PRKCI: variants seen among roughly 807,000 people sequenced by gnomAD.
The protein encoded by PRKCI is protein kinase C iota.
In PRKCI, 43 loss-of-function variants were observed where a neutral mutation model predicts 84.0. That is an observed-to-expected ratio of 0.51 (90% CI 0.40 to 0.66). The LOEUF (loss-of-function observed/expected upper bound fraction) is 0.66, where lower values mean the gene tolerates loss of function less well. PRKCI is among the 30% of genes least tolerant of loss of function. PRKCI has a pLI of 0.00. For synonymous variants in PRKCI, 216 were observed against 234.4 expected, an observed-to-expected ratio of 0.92 and a Z score of 0.72; for missense variants, 459 against 745.6, an observed-to-expected ratio of 0.62 and a Z score of 4.48.
At position 170,297,411 on chromosome 3, in the gene PRKCI, A is replaced by G. The variant is rs144740072; in HGVS notation, c.1587+18A>G. 1 of 1,576,394 alleles carries G rather than the reference A, an allele frequency of 6.3e-7. No homozygotes were observed. The highest frequency in any genetic ancestry group is 1.3e-5 in the African/African-American group (1 of 74,172). On this transcript the variant is annotated intron_variant, in intron 16 of 17. Transcript: ENST00000295797. ...GGGATATGGTATGTAAATTTTGATT[A>G]CTCAACTATTAGGTTTCATTATTAT...
At chr3:170,270,799 C>T (rs1733983942) in intron 6 of PRKCI, among the ~76,000 whole-genome samples, 1 of 151,926 alleles carries the variant, frequency 6.6e-6, no homozygotes, top group Admixed American at 6.6e-5. Context: ...CTGTAAAATC[C>T]TCTGGTCTAA....
intron 13 of PRKCI, among the ~76,000 whole-genome samples, chr3:170,293,040 C>CA (rs1202831307): frequency 0.062 from 4,054 of 65,878 alleles, 92 homozygotes; most frequent in East Asian, 0.16. Flanking sequence ...GACCCCATCT[C>CA]AAAAAAAAAA....
chr3:170,268,041 A>G (rs994545241), intron 5 of PRKCI, 41 bp downstream of exon 5: 2 of 1,491,324 alleles, frequency 1.3e-6, no homozygotes, highest in Middle Eastern at 2.1e-4. Flanking sequence ...TGAAACAGCT[A>G]TTTTTTCCCT....
intron 3 of PRKCI, 102 bp from the exon 4 acceptor site, chr3:170,263,277 G>A (rs370751677): frequency 9.7e-6 from 9 of 932,534 alleles, no homozygotes; most frequent in South Asian, 7.8e-5. Context: ...AGAGGGTCAG[G>A]TTGAAATCTG....
intron 1 of PRKCI, among the ~76,000 whole-genome samples, chr3:170,226,086 T>A (rs1173065709): frequency 5.9e-5 from 9 of 151,996 alleles, no homozygotes; most frequent in Admixed American, 5.3e-4. Context: ...CTAATTTTTG[T>A]ATTTTAGTAG....
chr3:170,231,955 A>G (rs1281016772), intron 1 of PRKCI, among the ~76,000 whole-genome samples: 1 of 152,206 alleles, frequency 6.6e-6, no homozygotes, highest in Non-Finnish European at 1.5e-5. Context: ...TAATTGTGCC[A>G]CTGCACTTCA....
At chr3:170,249,578 T>G (rs1381422642) in intron 2 of PRKCI, among the ~76,000 whole-genome samples, 1 of 151,924 alleles carries the variant, frequency 6.6e-6, no homozygotes, top group Non-Finnish European at 1.5e-5. Context: ...TGCTTGAGCC[T>G]AGGAGTTTAA....
At chr3:170,240,574 T>C (rs905946587) in intron 2 of PRKCI, among the ~76,000 whole-genome samples, 1 of 152,230 alleles carries the variant, frequency 6.6e-6, no homozygotes, top group Non-Finnish European at 1.5e-5. Context: ...CCAACAGTAA[T>C]TATTTTTAAG....
intron 2 of PRKCI, among the ~76,000 whole-genome samples, chr3:170,247,549 G>C (rs922501242): frequency 6.6e-6 from 1 of 151,524 alleles, no homozygotes; most frequent in African/African-American, 2.4e-5. Context: ...TGACCAACAT[G>C]GAGAAATGCC....
rs149118488 is a variant in PRKCI, at chr3:170,280,649, A to G, written c.882+246A>G. On this transcript the variant is annotated intron_variant, in intron 9 of 17. Coordinates refer to ENST00000295797, the MANE Select transcript of PRKCI (RefSeq NM_002740.6). ...TTTTTAGTAGAGATGGGGTTTCACCATGTTGGCCAGGCTGCTCTTGAACTC... is the reference window on the plus strand; with the variant it reads ...TTTTTAGTAGAGATGGGGTTTCACCGTGTTGGCCAGGCTGCTCTTGAACTC... Among the ~76,000 whole-genome samples the G allele has an allele frequency of 4.1e-3, 628 of 152,164 alleles. 11 individuals carry two copies. Among genetic ancestry groups the G allele is most frequent in the African/African-American group, 0.015 (607 of 41,540 alleles).
intron 2 of PRKCI, among the ~76,000 whole-genome samples, chr3:170,247,716 G>A (rs1733321252): frequency 1.2e-5 from 1 of 84,590 alleles, no homozygotes; most frequent in South Asian, 4.3e-4. Flanking sequence ...GGCAACAAGA[G>A]CAAAACTCTG....
intron 2 of PRKCI, among the ~76,000 whole-genome samples, chr3:170,245,961 T>TGTTTG (rs201890085): frequency 2.7e-5 from 4 of 147,646 alleles, no homozygotes; most frequent in African/African-American, 1.0e-4. Flanking sequence ...TTTTTTTTTT[T>TGTTTG]TTTTTTTTTC....
At chr3:170,267,106 G>A (rs74424995) in intron 4 of PRKCI, among the ~76,000 whole-genome samples, 2,355 of 152,190 alleles carry the variant, frequency 0.015, 40 homozygotes, top group East Asian at 0.085. Context: ...TTGTGGTTAG[G>A]TAGAATTGGG....
At chr3:170,285,110 T>A (rs1167795232) in intron 12 of PRKCI, among the ~76,000 whole-genome samples, 1 of 151,038 alleles carries the variant, frequency 6.6e-6, no homozygotes, top group Non-Finnish European at 1.5e-5. Context: ...GACAGGGTCT[T>A]GCTCTGTCCC....
chr3:170,262,426 G>A (rs1733749620), intron 3 of PRKCI, among the ~76,000 whole-genome samples: 1 of 152,178 alleles, frequency 6.6e-6, no homozygotes, highest in Admixed American at 6.5e-5. Context: ...TGATGTAACA[G>A]GGACTGGAAT....
chr3:170,296,650 A>ATT (rs1238269935), intron 15 of PRKCI, among the ~76,000 whole-genome samples: 2 of 152,228 alleles, frequency 1.3e-5, no homozygotes, highest in African/African-American at 4.8e-5. Flanking sequence ...AAAATAAGAA[A>ATT]TTGAAGCCTT....
intron 15 of PRKCI, among the ~76,000 whole-genome samples, chr3:170,296,496 G>C (rs544008735): frequency 1.3e-5 from 2 of 152,274 alleles, no homozygotes; most frequent in Non-Finnish European, 2.9e-5. Flanking sequence ...TCAATTGTTT[G>C]TTGCTGTTGG....
At chr3:170,282,092 C>T in intron 11 of PRKCI, 124 bp downstream of exon 11, 2 of 975,342 alleles carry the variant, frequency 2.1e-6, no homozygotes, top group Non-Finnish European at 2.9e-6. Context: ...GTAAGTCATG[C>T]AGAGGCTGAG....
intron 12 of PRKCI, among the ~76,000 whole-genome samples, chr3:170,287,969 G>T (rs971196435): frequency 6.6e-6 from 1 of 151,208 alleles, no homozygotes; most frequent in Non-Finnish European, 1.5e-5. Context: ...TCTCTTGGCC[G>T]GGTGCGGTGG....
Sources: allele counts gnomAD v4.1 joint callset (sites outside exome capture counted in the v4.1 genomes callset), GRCh38; gene constraint gnomAD v4.1.1; transcripts MANE v1.5; gene names NCBI Gene and HGNC (gene_info 2026-07-23, HGNC 2026-07-21).